The following B3GLCT variants were observed in gnomAD, a reference collection of about 807,000 sequenced individuals.
The protein encoded by B3GLCT is beta-1,3-glucosyltransferase.
In B3GLCT, 65 loss-of-function variants were observed where a neutral mutation model predicts 63.4. The observed-to-expected ratio is 1.03, with a 90% confidence interval of 0.84 to 1.26. The LOEUF is 1.26. Ranked by LOEUF, B3GLCT falls within the 50% of genes most tolerant of loss-of-function variation. The pLI is 0.00. For synonymous variants in B3GLCT, 233 were observed against 219.2 expected (o/e 1.06, Z -0.55); for missense variants, 577 against 604.8 (o/e 0.95, Z 0.48).
At chr13:31,266,360 C>T (rs926307727) in intron 7 of B3GLCT, among the ~76,000 whole-genome samples, 1 of 152,098 alleles carries the variant, frequency 6.6e-6, no homozygotes, top group African/African-American at 2.4e-5. Context: ...AGCTAAGTAC[C>T]AAACTTCGTG....
chr13:31,242,473 C>T (rs7325675), intron 4 of B3GLCT, among the ~76,000 whole-genome samples: 15,855 of 152,222 alleles, frequency 0.1, 2,014 homozygotes, highest in East Asian at 0.45. Context: ...TGTTAATAGT[C>T]ATCACATGCT....
intron 12 of B3GLCT, among the ~76,000 whole-genome samples, chr13:31,301,384 A>G (rs971555640): frequency 3.3e-5 from 5 of 152,238 alleles, no homozygotes; most frequent in Non-Finnish European, 5.9e-5. Context: ...TTCCATTAAT[A>G]CTGCTCAAAG....
intron 12 of B3GLCT, among the ~76,000 whole-genome samples, chr13:31,296,359 TG>T (rs1486816011): frequency 6.6e-6 from 1 of 152,222 alleles, no homozygotes; most frequent in Non-Finnish European, 1.5e-5. Context: ...CCAGCATGGT[TG>T]GGTTCTAGTG....
At chr13:31,309,387 TTC>T (rs1184082217) in intron 12 of B3GLCT, among the ~76,000 whole-genome samples, 2 of 152,216 alleles carry the variant, frequency 1.3e-5, no homozygotes, top group African/African-American at 4.8e-5. Context: ...TCCAATTCAG[TTC>T]TGACACCATC....
chr13:31,294,733 T>C (rs901202247), intron 12 of B3GLCT, among the ~76,000 whole-genome samples: 1 of 152,238 alleles, frequency 6.6e-6, no homozygotes, highest in Non-Finnish European at 1.5e-5. Flanking sequence ...GGTTCTTAGC[T>C]TCCTTGCATT....
intron 12 of B3GLCT, among the ~76,000 whole-genome samples, chr13:31,315,870 G>A (rs1329295076): frequency 6.6e-6 from 1 of 152,220 alleles, no homozygotes; most frequent in Non-Finnish European, 1.5e-5. Context: ...GGTGCCCTGT[G>A]TCCCAGATGC....
chr13:31,329,124 G>A (rs943365074), intron 14 of B3GLCT, among the ~76,000 whole-genome samples: 33 of 152,124 alleles, frequency 2.2e-4, no homozygotes, highest in African/African-American at 8.0e-4. Flanking sequence ...CAAACTTACG[G>A]CCAGTTTCCT....
At chr13:31,270,830 G>T (rs1052821212) in intron 8 of B3GLCT, among the ~76,000 whole-genome samples, 2 of 152,058 alleles carry the variant, frequency 1.3e-5, no homozygotes, top group Admixed American at 6.5e-5. Flanking sequence ...CCTTAGTTCA[G>T]CTAATCTGGA....
chr13:31,311,055 C>T lies in B3GLCT; in HGVS notation c.1065-6511C>T, dbSNP rs116703812. On this transcript the variant is annotated intron_variant, in intron 12 of 14. Coordinates refer to ENST00000343307, the MANE Select transcript of B3GLCT (RefSeq NM_194318.4). ...GCTGGCCAACCGTGGAGATTTCTGG[C>T]TGGTGAAGCAGCACTGAAAGAATCT... Among the ~76,000 whole-genome samples, 836 of 152,320 alleles carry T rather than the reference C, an allele frequency of 5.5e-3. 12 individuals carry two copies. The highest frequency in any genetic ancestry group is 0.019 in the African/African-American group (803 of 41,560).
At chr13:31,287,432 A>T (rs992403724) in intron 12 of B3GLCT, among the ~76,000 whole-genome samples, 6 of 152,164 alleles carry the variant, frequency 3.9e-5, no homozygotes, top group Non-Finnish European at 8.8e-5. Context: ...TTGCCTCAAT[A>T]GGGGGGATAG....
intron 6 of B3GLCT, among the ~76,000 whole-genome samples, chr13:31,251,871 A>G (rs911677210): frequency 5.9e-5 from 9 of 152,198 alleles, no homozygotes; most frequent in Non-Finnish European, 1.2e-4. Context: ...GGAGAACACT[A>G]CAAAGATACT....
At chr13:31,264,474 C>G (rs1872196292) in intron 7 of B3GLCT, among the ~76,000 whole-genome samples, 1 of 152,076 alleles carries the variant, frequency 6.6e-6, no homozygotes, top group African/African-American at 2.4e-5. Context: ...TCCCTTTCCT[C>G]TGCCAGGAAA....
rs186499393 is a variant in B3GLCT at position 31,246,937 on chromosome 13, T to A, written c.271-86T>A. 4.8e-4 allele frequency: 482 copies of A among 1,004,210 alleles called. 4 individuals are homozygous for A. The African/African-American group carries it at 8.0e-3, about 17-fold the overall frequency. 62.2% of individuals were successfully genotyped at this position (1,004,210 alleles called of 1,614,324 possible). A position where few individuals can be genotyped will look rare whatever the true frequency, so the allele number is the denominator to read the frequency against. ...AAGCCTTTTCTTTTTTTCTTTTTTCTTTTCTTTTCTTTTCTTTTTTTTTTT... is the reference window on the plus strand; with the variant it reads ...AAGCCTTTTCTTTTTTTCTTTTTTCATTTCTTTTCTTTTCTTTTTTTTTTT... On this transcript the variant is annotated intron_variant, in intron 4 of 14. Coordinates refer to ENST00000343307, the MANE Select transcript of B3GLCT (RefSeq NM_194318.4).
chr13:31,282,160 G>T (rs1202701650), intron 10 of B3GLCT, among the ~76,000 whole-genome samples: 2 of 152,066 alleles, frequency 1.3e-5, no homozygotes, highest in African/African-American at 4.8e-5. Flanking sequence ...GTATCTTTAG[G>T]AATACAGTGC....
At chr13:31,300,320 C>T (rs533037216) in intron 12 of B3GLCT, among the ~76,000 whole-genome samples, 1 of 152,304 alleles carries the variant, frequency 6.6e-6, no homozygotes, top group East Asian at 1.9e-4. Flanking sequence ...AAGTGTTCCT[C>T]TGACATCACC....
At chr13:31,255,243 A>C (rs1871676735) in intron 6 of B3GLCT, among the ~76,000 whole-genome samples, 1 of 152,146 alleles carries the variant, frequency 6.6e-6, no homozygotes, top group Non-Finnish European at 1.5e-5. Context: ...ACAACTTACA[A>C]GGGATGTGAA....
intron 14 of B3GLCT, among the ~76,000 whole-genome samples, chr13:31,329,173 G>T (rs1875788187): frequency 6.6e-6 from 1 of 152,148 alleles, no homozygotes; most frequent in South Asian, 2.1e-4. Flanking sequence ...CTGTCTTTGT[G>T]CAGAAGTGAT....
chr13:31,215,162 T>C, intron 2 of B3GLCT, 62 bp downstream of exon 2: 1 of 1,400,820 alleles, frequency 7.1e-7, no homozygotes, highest in East Asian at 2.3e-5. Flanking sequence ...TTTTCTCTGA[T>C]AGGAATAGTA....
In B3GLCT at chr13:31,266,264, G is replaced by A. The variant is rs143879276; in HGVS notation, c.597-2950G>A. Among the ~76,000 whole-genome samples the A allele has an allele frequency of 1.6e-3, 237 of 152,134 alleles. 3 individuals carry two copies. Among genetic ancestry groups the A allele is most frequent in the East Asian group, 9.7e-3 (50 of 5,170 alleles). On this transcript the variant is annotated intron_variant, in intron 7 of 14. Coordinates refer to ENST00000343307, the MANE Select transcript of B3GLCT (RefSeq NM_194318.4). ...TTGCCCGCCTTGGCCTCCCAACCTC[G>A]TGATCCGCCCACCTCAGCCTCCCAA...
Sources: allele counts gnomAD v4.1 joint callset (sites outside exome capture counted in the v4.1 genomes callset), GRCh38; gene constraint gnomAD v4.1.1; transcripts MANE v1.5; gene names NCBI Gene and HGNC (gene_info 2026-07-23, HGNC 2026-07-21).